CNTN5: variants seen among roughly 807,000 people sequenced by gnomAD.
CNTN5 encodes the protein contactin 5.
A neutral mutation model predicts 129.1 loss-of-function variants in CNTN5; 77 were observed. That is an observed-to-expected ratio of 0.60 (90% CI 0.50 to 0.72). The LOEUF is 0.72. CNTN5 is among the 30% of genes least tolerant of loss of function. The pLI is 0.00. For missense variants in CNTN5, 1,478 were observed against 1,328.8 expected (o/e 1.11, Z -1.75); for synonymous variants, 509 against 465.6 (o/e 1.09, Z -1.20).
At chr11:100,007,886 G>T (rs1194583368) in intron 9 of CNTN5, among the ~76,000 whole-genome samples, 1 of 151,464 alleles carries the variant, frequency 6.6e-6, no homozygotes, top group East Asian at 1.9e-4. Flanking sequence ...TTAATTTCTA[G>T]CCTTTGATTT....
intron 3 of CNTN5, among the ~76,000 whole-genome samples, chr11:99,737,757 T>A (rs1943757681): frequency 6.6e-6 from 1 of 152,166 alleles, no homozygotes; most frequent in Admixed American, 6.5e-5. Context: ...ATTCAAAAAC[T>A]ATTTCCTGAG....
chr11:99,784,706 C>G (rs1945448361), intron 3 of CNTN5, among the ~76,000 whole-genome samples: 1 of 151,848 alleles, frequency 6.6e-6, no homozygotes, highest in Non-Finnish European at 1.5e-5. Context: ...TAAAAGCATT[C>G]CAATTTCTCC....
chr11:99,449,894 A>G (rs754644387), intron 2 of CNTN5, among the ~76,000 whole-genome samples: 8 of 152,218 alleles, frequency 5.3e-5, no homozygotes, highest in Non-Finnish European at 1.2e-4. Flanking sequence ...GGAAGGGTCT[A>G]TGGTCATGGA....
At chr11:99,829,304 G>T (rs75585933) in intron 4 of CNTN5, among the ~76,000 whole-genome samples, 8,521 of 152,230 alleles carry the variant, frequency 0.056, 304 homozygotes, top group Middle Eastern at 0.1. Flanking sequence ...TTACTGTGTT[G>T]CATGACGATG....
At chr11:99,070,721 TAA>T (rs1247968686) in intron 1 of CNTN5, among the ~76,000 whole-genome samples, 1 of 131,418 alleles carries the variant, frequency 7.6e-6, no homozygotes, top group Non-Finnish European at 1.6e-5. Context: ...GGTTTTAAAA[TAA>T]CTTTTTTTTT....
At chr11:100,120,795 C>A (rs1320081835) in intron 13 of CNTN5, among the ~76,000 whole-genome samples, 10 of 151,238 alleles carry the variant, frequency 6.6e-5, no homozygotes, top group African/African-American at 2.2e-4. Context: ...GTATAAATAT[C>A]CCCTATTACT....
intron 2 of CNTN5, among the ~76,000 whole-genome samples, chr11:99,331,891 CAT>C (rs1468531594): frequency 6.6e-6 from 1 of 152,038 alleles, no homozygotes; most frequent in Non-Finnish European, 1.5e-5. Context: ...AGACACAATG[CAT>C]ATTTCCATGA....
chr11:99,204,393 A>T (rs1279643656), intron 1 of CNTN5, among the ~76,000 whole-genome samples: 1 of 152,134 alleles, frequency 6.6e-6, no homozygotes, highest in Non-Finnish European at 1.5e-5. Flanking sequence ...AGAAAATGTT[A>T]AGGTTTGAGA....
At chr11:99,154,662 T>C (rs1455265251) in intron 1 of CNTN5, among the ~76,000 whole-genome samples, 2 of 152,174 alleles carry the variant, frequency 1.3e-5, no homozygotes, top group Non-Finnish European at 2.9e-5. Flanking sequence ...GCCAGTCTGC[T>C]GGAGCTCTCT....
chr11:99,390,927 A>T (rs1323359768), intron 2 of CNTN5, among the ~76,000 whole-genome samples: 1 of 152,060 alleles, frequency 6.6e-6, no homozygotes, highest in Non-Finnish European at 1.5e-5. Context: ...CAACTTTTAT[A>T]TTTTTTAATG....
intron 1 of CNTN5, among the ~76,000 whole-genome samples, chr11:99,281,667 C>T (rs1207748055): frequency 6.6e-6 from 1 of 151,892 alleles, no homozygotes; most frequent in Non-Finnish European, 1.5e-5. Flanking sequence ...TTTCCCTCTT[C>T]TTTTGCTGGG....
At position 99,556,554 on chromosome 11, in the gene CNTN5, A is replaced by AATATATAT. The variant is rs199758207; in HGVS notation, c.55+318_55+325dup. ...CCATCTAGCTTTCAGAAGGCTTGGA[A>AATATATAT]ATATATATATATATATATATATATA... On this transcript the variant is annotated intron_variant, in intron 3 of 24. Transcript: ENST00000524871. Among the ~76,000 whole-genome samples the AATATATAT allele has an allele frequency of 9.0e-3, 648 of 72,164 alleles. 12 individuals are homozygous for AATATATAT. Among genetic ancestry groups the AATATATAT allele is most frequent in the Middle Eastern group, 0.032 (2 of 62 alleles). The allele number at this position is 72,164 out of a possible 152,430, so 47.3% of individuals were successfully genotyped here. A position where few individuals can be genotyped will look rare whatever the true frequency, so the allele number is the denominator to read the frequency against.
At chr11:99,520,168 G>A (rs1447033312) in intron 2 of CNTN5, among the ~76,000 whole-genome samples, 1 of 152,042 alleles carries the variant, frequency 6.6e-6, no homozygotes, top group African/African-American at 2.4e-5. Flanking sequence ...TTCTCTGGCA[G>A]AATATTTATA....
intron 13 of CNTN5, among the ~76,000 whole-genome samples, chr11:100,171,254 T>C (rs1947817214): frequency 6.6e-6 from 1 of 152,054 alleles, no homozygotes; most frequent in Admixed American, 6.6e-5. Context: ...CCATCCCAGG[T>C]GGGGATATCA....
chr11:99,992,582 C>T (rs1939181623), intron 8 of CNTN5, among the ~76,000 whole-genome samples: 1 of 152,076 alleles, frequency 6.6e-6, no homozygotes, highest in Non-Finnish European at 1.5e-5. Context: ...CATAGCCCTA[C>T]CTTCAAAAAA....
chr11:99,383,851 G>T (rs1352211225), intron 2 of CNTN5, among the ~76,000 whole-genome samples: 1 of 152,104 alleles, frequency 6.6e-6, no homozygotes, highest in African/African-American at 2.4e-5. Context: ...GACACAGAAG[G>T]CCTGCACAGA....
chr11:99,150,025 A>G (rs1859971950), intron 1 of CNTN5, among the ~76,000 whole-genome samples: 1 of 152,020 alleles, frequency 6.6e-6, no homozygotes, highest in Non-Finnish European at 1.5e-5. Context: ...AATTTAATGA[A>G]CAAATAAAAA....
At position 100,254,545 on chromosome 11, in the gene CNTN5, C is replaced by T. The variant is rs962472099; in HGVS notation, c.2006-1215C>T. Reference sequence around the variant, plus strand: ...AGTCTCTATCTTCTATATCTTTAGTCTCTTGCATCTGCTGGTGGTTCTTCT... The same window carrying T: ...AGTCTCTATCTTCTATATCTTTAGTTTCTTGCATCTGCTGGTGGTTCTTCT... On this transcript the variant is annotated intron_variant, in intron 16 of 24. Transcript: ENST00000524871. Among the ~76,000 whole-genome samples the T allele has an allele frequency of 5.3e-5, 8 of 152,104 alleles. No individual in the cohort carries two copies. In the East Asian group the frequency reaches 1.3e-3, roughly 26 times the overall value.
intron 2 of CNTN5, among the ~76,000 whole-genome samples, chr11:99,552,088 A>T (rs1247390535): frequency 6.6e-6 from 1 of 151,936 alleles, no homozygotes; most frequent in African/African-American, 2.4e-5. Flanking sequence ...CTGTATTCTT[A>T]GTAGAGACAA....
Sources: allele counts gnomAD v4.1 joint callset (sites outside exome capture counted in the v4.1 genomes callset), GRCh38; gene constraint gnomAD v4.1.1; transcripts MANE v1.5; gene names NCBI Gene and HGNC (gene_info 2026-07-23, HGNC 2026-07-21).